The following INPP5K variants were observed in gnomAD, a reference collection of about 807,000 sequenced individuals.
INPP5K encodes inositol polyphosphate 5-phosphatase K.
INPP5K carries 35 observed loss-of-function variants against 53.5 expected under a neutral mutation model. The observed-to-expected ratio is 0.65, with a 90% confidence interval of 0.50 to 0.87. The LOEUF is 0.87. Ranked by LOEUF, INPP5K falls within the 40% of genes least tolerant of loss-of-function variation. INPP5K has a pLI of 0.00. For synonymous variants in INPP5K, 253 were observed against 232.8 expected (o/e 1.09, Z -0.79); for missense variants, 550 against 586.2 (o/e 0.94, Z 0.64).
chr17:1,506,742 A>C (rs1469658449), intron 7 of INPP5K, among the ~76,000 whole-genome samples: 13 of 143,826 alleles, frequency 9.0e-5, no homozygotes, highest in East Asian at 2.1e-4. Flanking sequence ...TAACACCCCC[A>C]CCCCCTACAC....
intron 1 of INPP5K, chr17:1,515,800 T>C: frequency 1.4e-6 from 1 of 738,032 alleles, no homozygotes; most frequent in Non-Finnish European, 1.7e-6. Flanking sequence ...GATTTTGAGC[T>C]TCATTTGTTT....
At chr17:1,507,897 T>C (rs2075201283) in intron 6 of INPP5K, among the ~76,000 whole-genome samples, 2 of 152,216 alleles carry the variant, frequency 1.3e-5, no homozygotes, top group South Asian at 4.1e-4. Context: ...TGACTCTCTA[T>C]TCTAAAGCAC....
chr17:1,503,183 G>A (rs1293582964), intron 7 of INPP5K, among the ~76,000 whole-genome samples: 1 of 144,910 alleles, frequency 6.9e-6, no homozygotes, highest in African/African-American at 2.5e-5. Context: ...ATCACGCCTG[G>A]CCTTTTTTTT....
chr17:1,515,774 C>CA, intron 1 of INPP5K: 1 of 634,230 alleles, frequency 1.6e-6, no homozygotes, highest in African/African-American at 2.0e-5. Context: ...ACCACCTTCC[C>CA]AGGCACTCGG....
At chr17:1,504,637 T>C (rs964170164) in intron 7 of INPP5K, among the ~76,000 whole-genome samples, 1 of 152,238 alleles carries the variant, frequency 6.6e-6, no homozygotes, top group Non-Finnish European at 1.5e-5. Flanking sequence ...CTTACTTATA[T>C]ATTCTTTGAG....
chr17:1,496,100 T>C lies in INPP5K; in HGVS notation c.1250A>G (p.Asn417Ser). 2 of 1,613,386 alleles carry C rather than the reference T, an allele frequency of 1.2e-6. No homozygotes were observed. Among genetic ancestry groups the C allele is most frequent in the Non-Finnish European group, 1.7e-6 (2 of 1,179,322 alleles). Reference sequence around the variant, plus strand: ...TATCCCCACCACAGAACGCAGACTGTTGCTGTAGTAACAGAGGAGAAACTC... The same window carrying C: ...TATCCCCACCACAGAACGCAGACTGCTGCTGTAGTAACAGAGGAGAAACTC... ...EDEFLLCYYS[N>S]SLRSVVGISR... The change falls in exon 11 of 12, where the codon AAC (asparagine) becomes AGC (serine). Residue 417 changes from asparagine to serine, a missense_variant. Transcript: ENST00000421807.
At position 1,497,894 on chromosome 17, in the gene INPP5K, T is replaced by C. The variant is rs759582280; in HGVS notation, c.963+42A>G. The C allele has an allele frequency of 1.2e-5, 18 of 1,548,586 alleles. 1 individual carries two copies. Among genetic ancestry groups the C allele is most frequent in the Non-Finnish European group, 1.8e-6 (2 of 1,127,602 alleles). On this transcript the variant is annotated intron_variant, in intron 8 of 11. Transcript: ENST00000421807. The stretch of plus-strand genomic sequence containing the variant: ...GGAGGGCTTGGGGATGTGGCCAGCA[T>C]AGCTATTCCTCTGGCAAGTATCAGG...
intron 3 of INPP5K, among the ~76,000 whole-genome samples, chr17:1,511,866 G>A (rs2075317162): frequency 1.3e-5 from 2 of 152,044 alleles, no homozygotes; most frequent in Non-Finnish European, 2.9e-5. Context: ...GCAGGGAAGT[G>A]GGGGCGGGGA....
chr17:1,513,272 G>C (rs2075350007), intron 3 of INPP5K, among the ~76,000 whole-genome samples, 181 bp downstream of exon 3: 1 of 152,180 alleles, frequency 6.6e-6, no homozygotes, highest in African/African-American at 2.4e-5. Context: ...AGCTCCCTCA[G>C]AAAGGCGAAG....
chr17:1,510,038 C>T (rs994622994), intron 3 of INPP5K, among the ~76,000 whole-genome samples: 3 of 152,188 alleles, frequency 2.0e-5, no homozygotes, highest in Non-Finnish European at 2.9e-5. Flanking sequence ...GTGCGGGTGG[C>T]GGGAAGAGAA....
rs529176181 is a variant in INPP5K at position 1,514,320 on chromosome 17, C to T, written c.45-341G>A. On this transcript the variant is annotated intron_variant, in intron 1 of 11. Transcript: ENST00000421807. ...CCTGGGTGACAGAGTGAGACTCTGTCTCAAAAGAAAAAAAAAAAAGATAGT... is the reference window on the plus strand; with the variant it reads ...CCTGGGTGACAGAGTGAGACTCTGTTTCAAAAGAAAAAAAAAAAAGATAGT... Among the ~76,000 whole-genome samples the T allele has an allele frequency of 1.3e-4, 14 of 111,882 alleles. No individual in the cohort carries two copies. In the East Asian group the frequency reaches 4.0e-3, roughly 32 times the overall value. The allele number at this position is 111,882 out of a possible 152,430, so 73.4% of individuals were successfully genotyped here.
intron 7 of INPP5K, among the ~76,000 whole-genome samples, chr17:1,505,800 C>A (rs915478931): frequency 2.0e-5 from 3 of 152,190 alleles, no homozygotes; most frequent in Non-Finnish European, 2.9e-5. Context: ...CACAGAGACA[C>A]TCCAGCTAGG....
chr17:1,513,506 C>A lies in INPP5K; in HGVS notation c.208G>T (p.Asp70Tyr). 1 of 1,614,224 alleles carries A rather than the reference C, an allele frequency of 6.2e-7. No homozygotes were observed. Among genetic ancestry groups the A allele is most frequent in the South Asian group, 1.1e-5 (1 of 91,072 alleles). ...ISLLSDAAFN[D>Y]SWSSFLMDVL... is the part of the protein sequence containing the mutation. ...TCCATGAGGAAACTGCTCCACGAGT[C>A]ATTAAAGGCAGCATCGGAAAGGAGG... Residue 70 changes from aspartate (D) to tyrosine (Y), a missense_variant, in exon 3 of 12, where the codon GAC becomes TAC. By Grantham distance (160) the Asp-to-Tyr change is radical (BLOSUM62 -3). Transcript: ENST00000421807.
At chr17:1,502,126 G>A (rs1334729976) in intron 7 of INPP5K, among the ~76,000 whole-genome samples, 1 of 151,774 alleles carries the variant, frequency 6.6e-6, no homozygotes, top group Non-Finnish European at 1.5e-5. Context: ...AAGGCGGGCA[G>A]ATCATGAGGT....
intron 5 of INPP5K, 159 bp from the exon 6 acceptor site, chr17:1,508,385 C>A: frequency 1.6e-6 from 1 of 637,544 alleles, no homozygotes; most frequent in South Asian, 1.8e-5. Context: ...TGGAACTGTT[C>A]TCATGGCTCC....
chr17:1,503,841 C>G (rs1365781791), intron 7 of INPP5K, among the ~76,000 whole-genome samples: 1 of 152,208 alleles, frequency 6.6e-6, no homozygotes, highest in African/African-American at 2.4e-5. Flanking sequence ...TATAAGGGAG[C>G]TGGCCTCGTT....
At chr17:1,498,256 C>A in intron 7 of INPP5K, 134 bp from the exon 8 acceptor site, 1 of 733,426 alleles carries the variant, frequency 1.4e-6, no homozygotes, top group East Asian at 2.6e-5. Flanking sequence ...CCCCCGGGGC[C>A]AGAGCCGGAG....
Position 1,496,725 on chromosome 17 carries a change from T to C in INPP5K, c.1042A>G (p.Ser348Gly). ...LWTVENDMMV[S>G]YSSTSDFPSS... ...GGGAAGTCCGAGGTTGAAGAGTAGC[T>C]GACCATCATGTCATTTTCCACGGTC... The change falls in exon 9 of 12, where the codon AGC (serine) becomes GGC (glycine). Residue 348 changes from serine to glycine, a missense_variant. Ser to Gly is a moderately conservative substitution (Grantham distance 56). Coordinates refer to ENST00000421807, the MANE Select transcript of INPP5K (RefSeq NM_016532.4). 6.2e-7 allele frequency: 1 copy of C among 1,614,206 alleles called. No homozygotes were observed. The highest frequency in any genetic ancestry group is 1.1e-5 in the South Asian group (1 of 91,092).
intron 7 of INPP5K, among the ~76,000 whole-genome samples, chr17:1,501,332 G>A (rs2150982112): frequency 6.6e-6 from 1 of 152,328 alleles, no homozygotes; most frequent in East Asian, 1.9e-4. Context: ...AAGTATTCTA[G>A]CAACTGAGGA....
Sources: gnomAD v4.1 joint callset for allele counts (sites outside exome capture counted in the v4.1 genomes callset) on GRCh38, gnomAD v4.1.1 for gene constraint, MANE v1.5 for transcripts, NCBI Gene and HGNC (gene_info 2026-07-23, HGNC 2026-07-21) for gene names.